The following RTN4IP1 variants were observed in gnomAD, a reference collection of about 807,000 sequenced individuals.
RTN4IP1 encodes the protein reticulon 4 interacting protein 1, also known as NAD(P)H oxidoreductase RTN4IP1, mitochondrial.
Under a neutral mutation model 46.6 loss-of-function variants are expected in RTN4IP1, and 32 were observed. The observed-to-expected ratio is 0.69, with a 90% CI of 0.52 to 0.92. RTN4IP1 has a LOEUF of 0.92. Among genes scored for constraint, RTN4IP1 ranks in the 40% least tolerant of loss-of-function variants. The pLI, the probability that RTN4IP1 is intolerant of heterozygous loss-of-function variation, is 0.00. For missense variants in RTN4IP1, 424 were observed against 485.8 expected (o/e 0.87, Z 1.20); for synonymous variants, 167 against 161.8 (o/e 1.03, Z -0.24).
At chr6:106,594,958 C>CGG (rs987207990) in intron 5 of RTN4IP1, among the ~76,000 whole-genome samples, 2 of 151,990 alleles carry the variant, frequency 1.3e-5, no homozygotes, top group African/African-American at 4.8e-5. Context: ...CGTCACACCA[C>CGG]GCCTGGCTAA....
At chr6:106,575,719 T>C (rs913240710) in intron 8 of RTN4IP1, among the ~76,000 whole-genome samples, 1 of 152,164 alleles carries the variant, frequency 6.6e-6, no homozygotes, top group African/African-American at 2.4e-5. Context: ...CCTCTTTTGA[T>C]AGATTAGGAA....
Position 106,571,854 on chromosome 6 carries a change from G to C in RTN4IP1, c.*142C>G, listed in dbSNP as rs1486636871. ...TTTATATCAATTACTGGCCAAAATG[G>C]TGTGTTTATTTTTTAAAGCTTGTAT... On this transcript the variant is annotated 3_prime_UTR_variant, in exon 9 of 9. Coordinates refer to ENST00000369063, the MANE Select transcript of RTN4IP1 (RefSeq NM_032730.5). 3 of 574,384 alleles carry C rather than the reference G, an allele frequency of 5.2e-6. No individual in the cohort carries two copies. Among genetic ancestry groups the C allele is most frequent in the Non-Finnish European group, 9.3e-6 (3 of 322,276 alleles). The allele number at this position is 574,384 out of a possible 1,614,324, so 35.6% of individuals were successfully genotyped here.
intron 4 of RTN4IP1, among the ~76,000 whole-genome samples, chr6:106,614,492 G>A (rs979879937): frequency 2.6e-5 from 4 of 152,086 alleles, no homozygotes; most frequent in African/African-American, 7.2e-5. Flanking sequence ...GTAGAAGCTG[G>A]GAGTAGATGA....
At chr6:106,595,695 G>A (rs1051147874) in intron 5 of RTN4IP1, among the ~76,000 whole-genome samples, 3 of 151,710 alleles carry the variant, frequency 2.0e-5, no homozygotes, top group East Asian at 3.9e-4. Context: ...AAGGGGTTTC[G>A]CCATGTTGGC....
At chr6:106,619,111 C>T in intron 4 of RTN4IP1, 91 bp downstream of exon 4, 2 of 1,423,122 alleles carry the variant, frequency 1.4e-6, no homozygotes, top group Non-Finnish European at 1.9e-6. Flanking sequence ...GTAAATGATA[C>T]TAAATTTCAA....
intron 4 of RTN4IP1, among the ~76,000 whole-genome samples, chr6:106,611,950 T>A (rs1354640037): frequency 6.6e-6 from 1 of 152,234 alleles, no homozygotes; most frequent in Non-Finnish European, 1.5e-5. Flanking sequence ...ATACACAGGA[T>A]AACAATGGCT....
chr6:106,572,908 A>G (rs1775112665), intron 8 of RTN4IP1, among the ~76,000 whole-genome samples: 1 of 152,224 alleles, frequency 6.6e-6, no homozygotes, highest in Non-Finnish European at 1.5e-5. Context: ...ATAATGCTAG[A>G]CATACAGTAG....
At chr6:106,588,473 AGGACAAT>A (rs1278247652) in intron 6 of RTN4IP1, among the ~76,000 whole-genome samples, 1 of 152,222 alleles carries the variant, frequency 6.6e-6, no homozygotes, top group African/African-American at 2.4e-5. Flanking sequence ...GTACAGCATC[AGGACAAT>A]GCAAAAGGAG....
chr6:106,606,517 A>C (rs980451789), intron 4 of RTN4IP1, among the ~76,000 whole-genome samples: 1 of 152,114 alleles, frequency 6.6e-6, no homozygotes, highest in Non-Finnish European at 1.5e-5. Context: ...AAAGAAATCA[A>C]TTTCATTTAC....
At chr6:106,601,099 TTC>T (rs1184122962) in intron 5 of RTN4IP1, among the ~76,000 whole-genome samples, 1 of 152,158 alleles carries the variant, frequency 6.6e-6, no homozygotes, top group Non-Finnish European at 1.5e-5. Flanking sequence ...ATTTTTTATT[TTC>T]TGTGTTTGCT....
chr6:106,622,589 T>C (rs1344636870), intron 2 of RTN4IP1, among the ~76,000 whole-genome samples: 1 of 152,198 alleles, frequency 6.6e-6, no homozygotes, highest in East Asian at 1.9e-4. Flanking sequence ...CGGTCGGCAA[T>C]GTTAATTACC....
At position 106,628,860 on chromosome 6, in the gene RTN4IP1, A is replaced by C; in HGVS notation, c.162T>G (p.Asn54Lys). The C allele has an allele frequency of 6.2e-7, 1 of 1,614,156 alleles. No individual in the cohort carries two copies. The highest frequency in any genetic ancestry group is 8.5e-7 in the Non-Finnish European group (1 of 1,180,022). Residue 54 changes from asparagine to lysine, a missense_variant, in exon 1 of 9, where the codon AAT becomes AAG. Coordinates refer to ENST00000369063, the MANE Select transcript of RTN4IP1 (RefSeq NM_032730.5). Reference protein sequence around the residue: ...PAWVIDKYGKNEVLRFTQNMM... With the variant: ...PAWVIDKYGKKEVLRFTQNMM... ...TGTTCTGAGTGAATCGAAGCACTTC[A>C]TTCTTCCCATATTTATCTATCACCC...
chr6:106,585,506 C>T (rs1286583977), intron 7 of RTN4IP1, among the ~76,000 whole-genome samples: 1 of 152,162 alleles, frequency 6.6e-6, no homozygotes, highest in East Asian at 1.9e-4. Context: ...AAAGAAGGAA[C>T]AGAAATGGTC....
At chr6:106,592,111 T>C (rs1775675658) in intron 6 of RTN4IP1, 53 bp downstream of exon 6, 24 of 1,578,226 alleles carry the variant, frequency 1.5e-5, no homozygotes, top group East Asian at 2.3e-5. Flanking sequence ...CAGACCTGCA[T>C]AATCAACTGT....
At chr6:106,590,152 C>CA (rs966819250) in intron 6 of RTN4IP1, among the ~76,000 whole-genome samples, 11 of 147,514 alleles carry the variant, frequency 7.5e-5, no homozygotes, top group East Asian at 2.0e-4. Flanking sequence ...ACTATCTCCA[C>CA]AAAAAAAAAA....
chr6:106,588,668 T>C (rs1000375810), intron 6 of RTN4IP1, among the ~76,000 whole-genome samples: 5 of 152,240 alleles, frequency 3.3e-5, no homozygotes, highest in Non-Finnish European at 7.3e-5. Flanking sequence ...ATATAGAGAA[T>C]ACATGCAAAT....
chr6:106,594,422 T>A (rs1489324717), intron 5 of RTN4IP1, among the ~76,000 whole-genome samples: 1 of 151,946 alleles, frequency 6.6e-6, no homozygotes, highest in East Asian at 1.9e-4. Flanking sequence ...AGTGGGAGGA[T>A]CGCTTGAGCC....
At chr6:106,617,133 T>G (rs558675497) in intron 4 of RTN4IP1, among the ~76,000 whole-genome samples, 1 of 152,320 alleles carries the variant, frequency 6.6e-6, no homozygotes, top group South Asian at 2.1e-4. Context: ...GTCACCTTGA[T>G]CTCAGGCTTC....
Position 106,627,389 on chromosome 6 carries a change from T to C in RTN4IP1, c.274+1359A>G, listed in dbSNP as rs79112957. ...GAAGACAAAATGTAAAAATTACTCA[T>C]AGATAAAATACTGCTAATTTAAGTT... On this transcript the variant is annotated intron_variant, in intron 1 of 8. Coordinates refer to ENST00000369063, the MANE Select transcript of RTN4IP1 (RefSeq NM_032730.5). Among the ~76,000 whole-genome samples, 905 of 152,252 alleles carry C rather than the reference T, an allele frequency of 5.9e-3. 11 individuals are homozygous for C. Among genetic ancestry groups the C allele is most frequent in the African/African-American group, 0.021 (863 of 41,522 alleles).
Sources: allele counts gnomAD v4.1 joint callset (sites outside exome capture counted in the v4.1 genomes callset), GRCh38; gene constraint gnomAD v4.1.1; transcripts MANE v1.5; gene names NCBI Gene and HGNC (gene_info 2026-07-23, HGNC 2026-07-21).